Variants in DCAF16 observed in about 807,000 individuals in gnomAD.
The protein encoded by DCAF16 is DDB1 and CUL4 associated factor 16.
A neutral mutation model predicts 17.3 loss-of-function variants in DCAF16; 10 were observed. The ratio of observed to expected loss-of-function variants is 0.58; its 90% CI spans 0.36 to 0.98. The LOEUF (loss-of-function observed/expected upper bound fraction) is 0.98, where lower values mean the gene tolerates loss of function less well. DCAF16 is among the 50% of genes least tolerant of loss of function. The probability of loss-of-function intolerance (pLI) is 0.01; values close to 1 mark genes in which losing one functional copy is unlikely to be tolerated. For synonymous variants in DCAF16, 111 were observed against 92.8 expected (o/e 1.20, Z -1.12); for missense variants, 249 against 247.6 (o/e 1.01, Z -0.04).
At chr4:17,795,823 G>A (rs185279169), downstream of DCAF16, among the ~76,000 whole-genome samples, 5 of 152,312 alleles carry the variant, frequency 3.3e-5, no homozygotes, top group Admixed American at 3.3e-4. Context: ...ACTGAAAGCT[G>A]TATATGAAGG....
intron 1 of DCAF16, among the ~76,000 whole-genome samples, chr4:17,805,464 A>C (rs1720237982): frequency 6.6e-6 from 1 of 152,324 alleles, no homozygotes; most frequent in South Asian, 2.1e-4. Context: ...ATAAATTACC[A>C]GAACTAAAGG....
rs1372754406 is a variant in DCAF16, at chr4:17,802,913, CA to C, written c.*577del. On this transcript the variant is annotated 3_prime_UTR_variant, in exon 3 of 3. Coordinates refer to ENST00000382247, the MANE Select transcript of DCAF16 (RefSeq NM_017741.4). ...TGGTCTACTTTTCTTCATTAATAATCAGGTATCTCATTAAAGCCATTCAGAA... is the reference window on the plus strand; with the variant it reads ...TGGTCTACTTTTCTTCATTAATAATCGGTATCTCATTAAAGCCATTCAGAA... The C allele has an allele frequency of 6.6e-6, 1 of 152,400 alleles. No individual in the cohort carries two copies. The highest frequency in any genetic ancestry group is 2.4e-5 in the African/African-American group (1 of 41,388). 9.4% of individuals were successfully genotyped at this position (152,400 alleles called of 1,614,324 possible).
chr4:17,793,913 A>G, the DCAF16 span, among the ~76,000 whole-genome samples: 1 of 152,218 alleles, frequency 6.6e-6, no homozygotes. Flanking sequence ...ATTTGATGAC[A>G]GAGAGAAAAA....
At position 17,800,743 on chromosome 4, in the gene DCAF16, G is replaced by A. The variant is rs1268502723; in HGVS notation, c.*2748C>T. On this transcript the variant is annotated 3_prime_UTR_variant, in exon 3 of 3. Transcript: ENST00000382247. ...GTGAATAGCAAAAATGCATTCATGA[G>A]CAAGGCACTTTTATACACACACAGA... 6.6e-6 allele frequency: 1 copy of A among 152,592 alleles called. No individual in the cohort carries two copies. Among genetic ancestry groups the A allele is most frequent in the Non-Finnish European group, 1.5e-5 (1 of 68,044 alleles). The allele number at this position is 152,592 out of a possible 1,614,324, so 9.5% of individuals were successfully genotyped here.
chr4:17,806,311 C>A (rs566954208), intron 1 of DCAF16, among the ~76,000 whole-genome samples: 5 of 152,268 alleles, frequency 3.3e-5, no homozygotes, highest in African/African-American at 1.2e-4. Context: ...AAAGTTGGTA[C>A]TTTTATTGTC....
chr4:17,793,514 A>C, the DCAF16 span, among the ~76,000 whole-genome samples: 1 of 152,324 alleles, frequency 6.6e-6, no homozygotes, highest in East Asian at 1.9e-4. Context: ...TAAAAGGATA[A>C]ATGAATTATG....
Position 17,803,765 on chromosome 4 carries a change from T to C in DCAF16, c.377A>G (p.Lys126Arg). 6.2e-7 allele frequency: 1 copy of C among 1,614,120 alleles called. No homozygotes were observed. The highest frequency in any genetic ancestry group is 8.5e-7 in the Non-Finnish European group (1 of 1,180,026). The part of the protein sequence containing the change: ...LASCGVPPFQ[K>R]PLTSPSRLSR... ...GAGCCGGCTGGGACTTGTAAGAGGCTTTTGAAAAGGTGGGACTCCACAAGA... is the reference window on the plus strand; with the variant it reads ...GAGCCGGCTGGGACTTGTAAGAGGCCTTTGAAAAGGTGGGACTCCACAAGA... The change falls in exon 3 of 3, where the codon AAG (lysine) becomes AGG (arginine). Residue 126 changes from lysine to arginine, a missense_variant. Lys to Arg is a conservative substitution (Grantham distance 26). Coordinates refer to ENST00000382247, the MANE Select transcript of DCAF16 (RefSeq NM_017741.4).
intron 1 of DCAF16, among the ~76,000 whole-genome samples, chr4:17,806,942 A>G (rs144863264): frequency 1.1e-4 from 16 of 152,312 alleles, no homozygotes; most frequent in African/African-American, 3.4e-4. Flanking sequence ...TGTTTAGTAC[A>G]TATTATTGGT....
At chr4:17,808,981 A>G (rs1720586033) in intron 1 of DCAF16, among the ~76,000 whole-genome samples, 1 of 152,192 alleles carries the variant, frequency 6.6e-6, no homozygotes, top group Non-Finnish European at 1.5e-5. Flanking sequence ...GTGAGCCGAG[A>G]TCGCGCCATT....
chr4:17,803,398 G>T lies in DCAF16; in HGVS notation c.*93C>A. 1 of 1,209,624 alleles carries T rather than the reference G, an allele frequency of 8.3e-7. No individual in the cohort carries two copies. The highest frequency in any genetic ancestry group is 1.2e-6 in the Non-Finnish European group (1 of 840,366). 74.9% of individuals were successfully genotyped at this position (1,209,624 alleles called of 1,614,324 possible). On this transcript the variant is annotated 3_prime_UTR_variant, in exon 3 of 3. Transcript: ENST00000382247. ...GGCTTGCCAGGGCATAAGAGAGTTT[G>T]ACTGAGAAGGCATTAGTGGGCTGTG...
chr4:17,808,062 G>A (rs1313765350), intron 1 of DCAF16, among the ~76,000 whole-genome samples: 1 of 152,158 alleles, frequency 6.6e-6, no homozygotes, highest in East Asian at 1.9e-4. Flanking sequence ...ACAGTTCCAA[G>A]TTATATCTTG....
chr4:17,805,661 C>G (rs935906142), intron 1 of DCAF16, among the ~76,000 whole-genome samples: 1 of 152,136 alleles, frequency 6.6e-6, no homozygotes, highest in Non-Finnish European at 1.5e-5. Context: ...GATACATTTC[C>G]TTTAAAAGTG....
chr4:17,803,977 C>A lies in DCAF16; in HGVS notation c.165G>T (p.Gln55His), dbSNP rs1464662077. The A allele has an allele frequency of 1.2e-6, 2 of 1,614,042 alleles. No homozygotes were observed. Among genetic ancestry groups the A allele is most frequent in the Non-Finnish European group, 1.7e-6 (2 of 1,180,030 alleles). The change falls in exon 3 of 3, where the codon CAG becomes CAT. Residue 55 changes from glutamine (Q) to histidine (H), a missense_variant. Transcript: ENST00000382247. Reference protein sequence around the residue: ...NLSPLESLAWQVKCLLKYSTT... With the variant: ...NLSPLESLAWHVKCLLKYSTT... ...TGGAATATTTTAAAAGGCACTTAAC[C>A]TGCCAGGCAAGACTCTCAAGAGGCG...
At chr4:17,798,980 T>C (rs1719567595), downstream of DCAF16, among the ~76,000 whole-genome samples, 1 of 152,204 alleles carries the variant, frequency 6.6e-6, no homozygotes, top group African/African-American at 2.4e-5. Context: ...GGCGGACAGA[T>C]ACGTTACCAG....
At chr4:17,808,116 T>A (rs1720498636) in intron 1 of DCAF16, among the ~76,000 whole-genome samples, 1 of 152,242 alleles carries the variant, frequency 6.6e-6, no homozygotes, top group African/African-American at 2.4e-5. Flanking sequence ...ATAATTTTTT[T>A]AAGGCAGGAT....
At position 17,803,630 on chromosome 4, in the gene DCAF16, T is replaced by C; in HGVS notation, c.512A>G (p.Asn171Ser). 1 of 1,614,198 alleles carries C rather than the reference T, an allele frequency of 6.2e-7. No individual in the cohort carries two copies. ...ACAGCAACACCCAGAAACACATGAA[T>C]TAGGGATCTGTTTTAGGTATTCAGG... ...PIPEYLKQIP[N>S]SCVSGCCCGW... Residue 171 changes from asparagine (N) to serine (S), a missense_variant, in exon 3 of 3, where the codon AAT (asparagine) becomes AGT (serine). Physicochemically the swap from Asn to Ser is conservative, Grantham distance 46. Transcript: ENST00000382247.
rs1230194473 is a variant in DCAF16, at chr4:17,805,232, C to T, written c.-749-7G>A. On this transcript the variant is annotated splice_region_variant and splice_polypyrimidine_tract_variant and intron_variant, in intron 1 of 2. Transcript: ENST00000382247. ...ATCACCAATTCTATATAAGCTGTTC[C>T]ACAAAAAAGAAAAAAGCATGAAAAC... 1 of 150,880 alleles carries T rather than the reference C, an allele frequency of 6.6e-6. No homozygotes were observed. Among genetic ancestry groups the T allele is most frequent in the Non-Finnish European group, 1.5e-5 (1 of 67,796 alleles). 9.3% of individuals were successfully genotyped at this position (150,880 alleles called of 1,614,324 possible).
Position 17,803,912 on chromosome 4 carries a change from T to A in DCAF16, c.230A>T (p.His77Leu), listed in dbSNP as rs1201249454. The A allele has an allele frequency of 6.2e-7, 1 of 1,614,118 alleles. No homozygotes were observed. The highest frequency in any genetic ancestry group is 2.2e-5 in the East Asian group (1 of 44,876). Residue 77 changes from histidine (H) to leucine (L), a missense_variant, in exon 3 of 3, where the codon CAT becomes CTT. Coordinates refer to ENST00000382247, the MANE Select transcript of DCAF16 (RefSeq NM_017741.4). ...KPLNPNSWLY[H>L]AKLLDPSTPV... ...TGTGCTTGGATCCAACAGTTTAGCA[T>A]GATACAACCAGGAATTAGGATTTAA...
At chr4:17,800,030 C>G (rs1429999997), downstream of DCAF16, among the ~76,000 whole-genome samples, 3 of 151,862 alleles carry the variant, frequency 2.0e-5, no homozygotes, top group Non-Finnish European at 2.9e-5. Context: ...GCCTGTAATT[C>G]CAGCTACTCG....
Sources: allele counts gnomAD v4.1 joint callset (sites outside exome capture counted in the v4.1 genomes callset), GRCh38; gene constraint gnomAD v4.1.1; transcripts MANE v1.5; gene names NCBI Gene and HGNC (gene_info 2026-07-23, HGNC 2026-07-21).